XYLT1: variants seen among roughly 807,000 people sequenced by gnomAD.
XYLT1 encodes the protein xylosyltransferase 1.
XYLT1 carries 36 observed loss-of-function variants against 91.3 expected under a neutral mutation model. The ratio of observed to expected loss-of-function variants is 0.39; its 90% CI spans 0.30 to 0.52. The LOEUF (loss-of-function observed/expected upper bound fraction) is 0.52, where lower values mean the gene tolerates loss of function less well. XYLT1 is among the 20% of genes least tolerant of loss of function. The pLI is 0.68. For synonymous variants in XYLT1, 588 were observed against 532.0 expected (o/e 1.11, Z -1.45); for missense variants, 1,242 against 1,284.5 (o/e 0.97, Z 0.51).
intron 1 of XYLT1, among the ~76,000 whole-genome samples, chr16:17,461,581 A>G (rs1265359522): frequency 6.6e-6 from 1 of 151,840 alleles, no homozygotes; most frequent in East Asian, 1.9e-4. Flanking sequence ...GGATGAATGG[A>G]CAGAGGATGG....
Position 17,422,891 on chromosome 16 carries a change from C to G in XYLT1, c.363+47543G>C, listed in dbSNP as rs569198672. Among the ~76,000 whole-genome samples the G allele has an allele frequency of 7.0e-4, 106 of 152,176 alleles. 1 individual carries two copies. Among genetic ancestry groups the G allele is most frequent in the African/African-American group, 2.5e-3 (103 of 41,516 alleles). Reference sequence around the variant, plus strand: ...GCAAATAGTTGTATGATTTGTGTACCGCAAAGTGGCAAATAGGGGCTGAAA... The same window carrying G: ...GCAAATAGTTGTATGATTTGTGTACGGCAAAGTGGCAAATAGGGGCTGAAA... On this transcript the variant is annotated intron_variant, in intron 1 of 11. Transcript: ENST00000261381.
intron 1 of XYLT1, among the ~76,000 whole-genome samples, chr16:17,463,442 T>C (rs568862169): frequency 6.6e-6 from 1 of 152,186 alleles, no homozygotes; most frequent in African/African-American, 2.4e-5. Context: ...AAAGAAGACA[T>C]ACGAATGGCC....
intron 9 of XYLT1, among the ~76,000 whole-genome samples, chr16:17,131,230 G>C (rs1409366425): frequency 7.3e-5 from 1 of 13,756 alleles, no homozygotes; most frequent in South Asian, 9.2e-4. Context: ...CAAGGAGTGA[G>C]CACAAAAGCC....
intron 1 of XYLT1, among the ~76,000 whole-genome samples, chr16:17,436,045 T>C (rs1017796084): frequency 6.6e-6 from 1 of 152,060 alleles, no homozygotes; most frequent in African/African-American, 2.4e-5. Context: ...CCTGTTCTCA[T>C]GGTAGGGAAT....
Position 17,322,167 on chromosome 16 carries a change from A to T in XYLT1, c.402+35845T>A, listed in dbSNP as rs141473693. ...TCGCTTCATGCATAAGACAGCGGGG[A>T]CAGCAAGGTTAGGTAACTAGGCCAA... is the stretch of plus-strand genomic sequence containing the variant. On this transcript the variant is annotated intron_variant, in intron 2 of 11. Transcript: ENST00000261381. 6.0e-4 allele frequency among the ~76,000 whole-genome samples: 91 copies of T among 152,276 alleles called. 1 individual carries two copies. The highest frequency in any genetic ancestry group is 2.1e-3 in the African/African-American group (87 of 41,560).
intron 3 of XYLT1, among the ~76,000 whole-genome samples, chr16:17,221,177 C>T (rs2032960724): frequency 6.6e-6 from 1 of 152,154 alleles, no homozygotes; most frequent in African/African-American, 2.4e-5. Flanking sequence ...TCAATATTCA[C>T]AGAACCATGT....
Position 17,470,657 on chromosome 16 carries a change from C to T in XYLT1, c.140G>A (p.Gly47Glu). 8.8e-7 allele frequency: 1 copy of T among 1,134,368 alleles called. No homozygotes were observed. The highest frequency in any genetic ancestry group is 1.9e-5 in the South Asian group (1 of 51,388). 70.3% of individuals were successfully genotyped at this position (1,134,368 alleles called of 1,614,324 possible). ...CTCCCCGCCGCCGACCGCTGCGCCC[C>T]CGCGGCGCTCCCCGGCCCCGGAGTC... ...SLDSGAGERR[G>E]GAAVGGGEQP... is the part of the protein sequence containing the mutation. The change falls in exon 1 of 12, where the codon GGG becomes GAG. Residue 47 changes from glycine (G) to glutamate (E), a missense_variant. By Grantham distance (98) the Gly-to-Glu change is moderately conservative. Around this residue, in one of 3 missense-constraint regions of XYLT1, gnomAD observed 437 missense variants for 411.5 expected, o/e 1.06. Coordinates refer to ENST00000261381, the MANE Select transcript of XYLT1 (RefSeq NM_022166.4).
intron 3 of XYLT1, among the ~76,000 whole-genome samples, chr16:17,242,982 T>C (rs964174171): frequency 6.6e-6 from 1 of 152,246 alleles, no homozygotes; most frequent in African/African-American, 2.4e-5. Context: ...TTCCACTGTA[T>C]GTGTAGACCA....
At chr16:17,469,458 T>C (rs937737912) in intron 1 of XYLT1, among the ~76,000 whole-genome samples, 2 of 152,310 alleles carry the variant, frequency 1.3e-5, no homozygotes, top group African/African-American at 4.8e-5. Flanking sequence ...TCCTGCCCCA[T>C]GTGCTCCTGC....
chr16:17,161,545 G>A (rs1405747331), intron 5 of XYLT1, among the ~76,000 whole-genome samples: 1 of 152,182 alleles, frequency 6.6e-6, no homozygotes, highest in Non-Finnish European at 1.5e-5. Context: ...GATGGAATTT[G>A]GCTGAGGACC....
At chr16:17,147,672 CT>C (rs2031171001) in intron 6 of XYLT1, among the ~76,000 whole-genome samples, 1 of 152,144 alleles carries the variant, frequency 6.6e-6, no homozygotes, top group African/African-American at 2.4e-5. Flanking sequence ...TGAATGGGGA[CT>C]TAAGTCTTGG....
intron 2 of XYLT1, among the ~76,000 whole-genome samples, chr16:17,352,726 C>T (rs111965513): frequency 1.3e-5 from 2 of 152,206 alleles, no homozygotes; most frequent in Admixed American, 6.5e-5. Context: ...CTCTTACAAA[C>T]ATGTTTGTCT....
chr16:17,458,849 T>TAAA lies in XYLT1; in HGVS notation c.363+11584_363+11585insTTT, dbSNP rs1567210677. On this transcript the variant is annotated intron_variant, in intron 1 of 11. Transcript: ENST00000261381. ...CGTTTTGATTGGCTGGTTATATTTCTGTATTTTCCATAATATACATTTAAA... is the reference window on the plus strand; with the variant it reads ...CGTTTTGATTGGCTGGTTATATTTCTAAAGTATTTTCCATAATATACATTTAAA... Among the ~76,000 whole-genome samples the TAAA allele has an allele frequency of 1.9e-3, 295 of 152,232 alleles. 1 individual carries two copies. The highest frequency in any genetic ancestry group is 6.6e-3 in the African/African-American group (276 of 41,558).
chr16:17,102,926 C>T lies in XYLT1; in HGVS notation c.*5769G>A, dbSNP rs1966725785. ...GAGTGAGGCCTCTAAAACAAATACC[C>T]AAACAAATGCTATTGACAACATAAT... is the stretch of plus-strand genomic sequence containing the variant. On this transcript the variant is annotated 3_prime_UTR_variant, in exon 12 of 12. Coordinates refer to ENST00000261381, the MANE Select transcript of XYLT1 (RefSeq NM_022166.4). The T allele has an allele frequency of 6.6e-6, 1 of 151,812 alleles. No homozygotes were observed. The highest frequency in any genetic ancestry group is 1.5e-5 in the Non-Finnish European group (1 of 67,846). 9.4% of individuals were successfully genotyped at this position (151,812 alleles called of 1,614,324 possible).
chr16:17,400,629 GAGGA>G (rs139881259), intron 1 of XYLT1, among the ~76,000 whole-genome samples: 2,159 of 132,702 alleles, frequency 0.016, 31 homozygotes, highest in East Asian at 0.038. Context: ...GGGAGGAAGG[GAGGA>G]AGGAAGGAAG....
intron 11 of XYLT1, among the ~76,000 whole-genome samples, chr16:17,110,685 A>C (rs931837763): frequency 1.3e-4 from 20 of 152,184 alleles, no homozygotes; most frequent in Non-Finnish European, 7.3e-5. Context: ...CACCTAAAAA[A>C]CTAGGGGGCT....
chr16:17,453,833 AAAGAT>A (rs2036699619), intron 1 of XYLT1, among the ~76,000 whole-genome samples: 2 of 152,366 alleles, frequency 1.3e-5, no homozygotes, highest in South Asian at 4.1e-4. Flanking sequence ...TTTGCTGAAT[AAAGAT>A]AAGAGCGCTG....
chr16:17,371,082 T>C (rs1219198558), intron 1 of XYLT1, among the ~76,000 whole-genome samples: 1 of 152,182 alleles, frequency 6.6e-6, no homozygotes, highest in African/African-American at 2.4e-5. Context: ...AGACAGGTTG[T>C]AAAGTAACGT....
intron 2 of XYLT1, among the ~76,000 whole-genome samples, chr16:17,323,407 A>G (rs751757388): frequency 2.6e-5 from 4 of 152,344 alleles, no homozygotes; most frequent in African/African-American, 4.8e-5. Context: ...CAAAGCAGGG[A>G]TAATTAAAAC....
Sources: allele counts gnomAD v4.1 joint callset (sites outside exome capture counted in the v4.1 genomes callset), GRCh38; gene constraint gnomAD v4.1.1; regional missense constraint gnomAD v4.1.1; transcripts MANE v1.5; gene names NCBI Gene and HGNC (gene_info 2026-07-23, HGNC 2026-07-21).